The following RAB28 variants were observed in gnomAD, a reference collection of about 807,000 sequenced individuals.
The protein encoded by RAB28 is ras-related protein Rab-28.
Under a neutral mutation model 31.7 loss-of-function variants are expected in RAB28, and 24 were observed. That is an observed-to-expected ratio of 0.76 (90% CI 0.55 to 1.06). The LOEUF is 1.06. Ranked by LOEUF, RAB28 falls within the 50% of genes least tolerant of loss-of-function variation. The pLI, the probability that RAB28 is intolerant of heterozygous loss-of-function variation, is 0.00. For missense variants in RAB28, 254 were observed against 258.5 expected (o/e 0.98, Z 0.12); for synonymous variants, 100 against 90.4 (o/e 1.11, Z -0.60).
chr4:13,368,752 G>A, intron 6 of RAB28, 102 bp from the exon 7 acceptor site: 2 of 863,368 alleles, frequency 2.3e-6, no homozygotes, highest in Non-Finnish European at 3.4e-6. Flanking sequence ...AACTTCTGAT[G>A]ATGGACACCA....
chr4:13,423,786 T>C (rs1311987497), intron 4 of RAB28, among the ~76,000 whole-genome samples: 1 of 152,184 alleles, frequency 6.6e-6, no homozygotes, highest in African/African-American at 2.4e-5. Context: ...CCAACATTTC[T>C]GTATGTTTGA....
In RAB28 at chr4:13,455,162, T is replaced by C. The variant is rs374982823; in HGVS notation, c.391+5537A>G. Among the ~76,000 whole-genome samples the C allele has an allele frequency of 6.6e-5, 10 of 152,278 alleles. No individual in the cohort carries two copies. The East Asian group carries it at 1.9e-3, about 29-fold the overall frequency. On this transcript the variant is annotated intron_variant, in intron 4 of 6. Coordinates refer to ENST00000330852, the MANE Select transcript of RAB28 (RefSeq NM_001017979.3). ...CAGGCAGGGGATGCAGACACACAGA[T>C]GCTCGGTCAGCCTGGGGCTGTGTCT...
chr4:13,377,876 G>A (rs1452255764), intron 5 of RAB28, among the ~76,000 whole-genome samples: 1 of 152,126 alleles, frequency 6.6e-6, no homozygotes, highest in Non-Finnish European at 1.5e-5. Flanking sequence ...GGGTGTGAGA[G>A]AAAAAGAGGA....
intron 5 of RAB28, among the ~76,000 whole-genome samples, chr4:13,379,645 T>C (rs1332446998): frequency 1.3e-5 from 2 of 152,026 alleles, no homozygotes; most frequent in African/African-American, 2.4e-5. Flanking sequence ...AAATAGAAGA[T>C]GGTTGGTGGT....
intron 4 of RAB28, among the ~76,000 whole-genome samples, chr4:13,419,461 C>T (rs1240193427): frequency 3.7e-4 from 56 of 152,284 alleles, no homozygotes; most frequent in Non-Finnish European, 2.9e-5. Context: ...TTCTCATCAT[C>T]GCATTAAGCT....
At chr4:13,419,903 G>A (rs534342782) in intron 4 of RAB28, among the ~76,000 whole-genome samples, 1 of 151,298 alleles carries the variant, frequency 6.6e-6, no homozygotes, top group South Asian at 2.1e-4. Flanking sequence ...ACTAAGATCA[G>A]AGCAGAACTG....
At chr4:13,424,512 T>C (rs1713362799) in intron 4 of RAB28, among the ~76,000 whole-genome samples, 1 of 152,216 alleles carries the variant, frequency 6.6e-6, no homozygotes, top group African/African-American at 2.4e-5. Flanking sequence ...CTTGATTACA[T>C]CTGCAGAGAC....
chr4:13,465,045 G>A (rs1039109653), intron 3 of RAB28, among the ~76,000 whole-genome samples: 7 of 151,802 alleles, frequency 4.6e-5, no homozygotes, highest in African/African-American at 1.5e-4. Context: ...TGCTGGACAC[G>A]GCATAGGAAA....
Position 13,378,877 on chromosome 4 carries a change from G to C in RAB28, c.496-2255C>G, listed in dbSNP as rs148484956. 1.5e-3 allele frequency among the ~76,000 whole-genome samples: 234 copies of C among 152,220 alleles called. 5 individuals are homozygous for C. Among genetic ancestry groups the C allele is most frequent in the Non-Finnish European group, 3.8e-4 (26 of 67,996 alleles). ...CAAGGTCATCAGCTGATAGAATAGA[G>C]GAGGATAGTTTGAACATTTGAAGAG... On this transcript the variant is annotated intron_variant, in intron 5 of 6. Coordinates refer to ENST00000330852, the MANE Select transcript of RAB28 (RefSeq NM_001017979.3).
intron 4 of RAB28, among the ~76,000 whole-genome samples, chr4:13,405,892 A>G (rs1712050303): frequency 6.6e-6 from 1 of 152,182 alleles, no homozygotes; most frequent in African/African-American, 2.4e-5. Flanking sequence ...TTTATAATAT[A>G]TTGTAAAAGT....
chr4:13,467,767 A>G (rs1715931164), intron 3 of RAB28, among the ~76,000 whole-genome samples: 1 of 152,014 alleles, frequency 6.6e-6, no homozygotes, highest in African/African-American at 2.4e-5. Flanking sequence ...AACATGACAG[A>G]TGTTAACCCA....
chr4:13,449,928 T>C (rs774797940), intron 4 of RAB28, among the ~76,000 whole-genome samples: 21 of 151,862 alleles, frequency 1.4e-4, no homozygotes, highest in Non-Finnish European at 2.8e-4. Context: ...GGAGAGAAAC[T>C]AGCTGATGGA....
At chr4:13,421,780 C>T (rs1429543334) in intron 4 of RAB28, among the ~76,000 whole-genome samples, 1 of 152,140 alleles carries the variant, frequency 6.6e-6, no homozygotes, top group African/African-American at 2.4e-5. Flanking sequence ...AAATGTTAGA[C>T]CTAAAACCAT....
At chr4:13,385,838 T>C (rs1729346668) in intron 4 of RAB28, among the ~76,000 whole-genome samples, 1 of 152,128 alleles carries the variant, frequency 6.6e-6, no homozygotes, top group South Asian at 2.1e-4. Flanking sequence ...AACAGACTCT[T>C]ATCTTTCACC....
At chr4:13,454,208 C>G (rs1408920291) in intron 4 of RAB28, among the ~76,000 whole-genome samples, 2 of 152,076 alleles carry the variant, frequency 1.3e-5, no homozygotes, top group Non-Finnish European at 2.9e-5. Flanking sequence ...ATATCCATCT[C>G]TCTGTTAAAT....
chr4:13,422,909 G>GA (rs200647568), intron 4 of RAB28, among the ~76,000 whole-genome samples: 17 of 137,206 alleles, frequency 1.2e-4, no homozygotes, highest in East Asian at 6.3e-4. Flanking sequence ...TTTTAAAAAT[G>GA]AAAAAAAAAA....
intron 4 of RAB28, among the ~76,000 whole-genome samples, chr4:13,384,493 C>T (rs765222038): frequency 1.3e-5 from 2 of 152,160 alleles, no homozygotes; most frequent in Non-Finnish European, 1.5e-5. Context: ...TCCAGGAATA[C>T]GTAGGTCCCA....
intron 6 of RAB28, among the ~76,000 whole-genome samples, chr4:13,373,715 T>C (rs538714739): frequency 6.6e-6 from 1 of 152,262 alleles, no homozygotes; most frequent in African/African-American, 2.4e-5. Flanking sequence ...GCAGAATCTC[T>C]TTAAATTGTC....
chr4:13,376,158 A>G (rs1389523566), intron 6 of RAB28, among the ~76,000 whole-genome samples: 1 of 152,158 alleles, frequency 6.6e-6, no homozygotes, highest in Non-Finnish European at 1.5e-5. Flanking sequence ...TACTAAACTG[A>G]CAATAAAATA....
Sources: allele counts gnomAD v4.1 joint callset (sites outside exome capture counted in the v4.1 genomes callset), GRCh38; gene constraint gnomAD v4.1.1; transcripts MANE v1.5; gene names NCBI Gene and HGNC (gene_info 2026-07-23, HGNC 2026-07-21).